The following TRPC7 variants were observed in gnomAD, a reference collection of about 807,000 sequenced individuals.
The protein encoded by TRPC7 is short transient receptor potential channel 7.
In TRPC7, 42 loss-of-function variants were observed where a neutral mutation model predicts 90.1. That is an observed-to-expected ratio of 0.47 (90% CI 0.36 to 0.60). The LOEUF (loss-of-function observed/expected upper bound fraction) is 0.60, where lower values mean the gene tolerates loss of function less well. Among genes scored for constraint, TRPC7 ranks in the 20% least tolerant of loss-of-function variants. TRPC7 has a pLI of 0.00. For synonymous variants in TRPC7, 451 were observed against 436.3 expected (o/e 1.03, Z -0.42); for missense variants, 955 against 1,112.3 (o/e 0.86, Z 2.01).
At chr5:136,291,705 A>G (rs1171129048) in intron 3 of TRPC7, among the ~76,000 whole-genome samples, 2 of 152,170 alleles carry the variant, frequency 1.3e-5, no homozygotes, top group Non-Finnish European at 2.9e-5. Context: ...AGACTTTAAC[A>G]CCCCACTGTC....
At chr5:136,321,070 G>C (rs977791673) in intron 2 of TRPC7, among the ~76,000 whole-genome samples, 1 of 152,152 alleles carries the variant, frequency 6.6e-6, no homozygotes, top group Admixed American at 6.5e-5. Context: ...CACTCAGTAA[G>C]TTACTTGTTT....
At position 136,289,658 on chromosome 5, in the gene TRPC7, G is replaced by T. The variant is rs188432961; in HGVS notation, c.964-14821C>A. On this transcript the variant is annotated intron_variant, in intron 3 of 11. Transcript: ENST00000513104. ...CAAAGCGGCCGGGAAGCTCGAACTG[G>T]GTGGAGCCCACCATAGCTCAAGGAG... is the stretch of plus-strand genomic sequence containing the variant. Among the ~76,000 whole-genome samples the T allele has an allele frequency of 5.1e-3, 771 of 152,328 alleles. 5 individuals carry two copies. Among genetic ancestry groups the T allele is most frequent in the African/African-American group, 0.018 (733 of 41,576 alleles).
rs1378165679 is a variant in TRPC7 at position 136,316,046 on chromosome 5, G to A, written c.781-267C>T. 4 of 405,750 alleles carry A rather than the reference G, an allele frequency of 9.9e-6. No homozygotes were observed. In the Admixed American group the frequency reaches 1.2e-4, roughly 12 times the overall value. 25.1% of individuals were successfully genotyped at this position (405,750 alleles called of 1,614,324 possible). On this transcript the variant is annotated intron_variant, in intron 2 of 11. Transcript: ENST00000513104. ...TGCATCAGAGTCACCTTAGCTGCGT[G>A]CTAAAGTTGCAGATTCCCAGGTCCC... is the stretch of plus-strand genomic sequence containing the variant.
At chr5:136,246,734 C>A (rs1409610104) in intron 7 of TRPC7, among the ~76,000 whole-genome samples, 4 of 152,112 alleles carry the variant, frequency 2.6e-5, no homozygotes, top group African/African-American at 9.7e-5. Flanking sequence ...CAACTTTTAC[C>A]CAGAGTTCTG....
intron 3 of TRPC7, among the ~76,000 whole-genome samples, chr5:136,302,313 G>A (rs1171077627): frequency 6.6e-6 from 1 of 152,100 alleles, no homozygotes; most frequent in South Asian, 2.1e-4. Context: ...GGAGGGGAAA[G>A]TACCCCTCAA....
chr5:136,291,105 A>C (rs1271954702), intron 3 of TRPC7, among the ~76,000 whole-genome samples: 1 of 152,244 alleles, frequency 6.6e-6, no homozygotes, highest in African/African-American at 2.4e-5. Context: ...AGATTTAGTC[A>C]CCACCAGGCC....
chr5:136,261,047 TC>T (rs1365866709), intron 5 of TRPC7, among the ~76,000 whole-genome samples: 1 of 152,198 alleles, frequency 6.6e-6, no homozygotes, highest in African/African-American at 2.4e-5. Context: ...GGAGCAGAAT[TC>T]CAAGTCTTCA....
intron 4 of TRPC7, among the ~76,000 whole-genome samples, chr5:136,267,873 A>C (rs1459404017): frequency 6.6e-6 from 1 of 152,220 alleles, no homozygotes; most frequent in African/African-American, 2.4e-5. Context: ...AGAGATGTTT[A>C]TCTGACAATA....
rs1760694739 is a variant in TRPC7 at position 136,365,482 on chromosome 5, G to A, written c.-228C>T. On this transcript the variant is annotated 5_prime_UTR_variant, in exon 1 of 12. It adds an upstream start codon to the 5' untranslated region. Coordinates refer to ENST00000513104, the MANE Select transcript of TRPC7 (RefSeq NM_020389.3). ...CCTTCCGAGGCAGAACCGTGTTACC[G>A]TCCTTTTCCTAATCGGGGGGAAATT... 1 of 573,694 alleles carries A rather than the reference G, an allele frequency of 1.7e-6. No individual in the cohort carries two copies. 35.5% of individuals were successfully genotyped at this position (573,694 alleles called of 1,614,324 possible).
chr5:136,297,416 G>A (rs542030606), intron 3 of TRPC7, among the ~76,000 whole-genome samples: 1 of 151,996 alleles, frequency 6.6e-6, no homozygotes, highest in African/African-American at 2.4e-5. Context: ...CATCTGATGG[G>A]TTTAGTAGGG....
intron 2 of TRPC7, among the ~76,000 whole-genome samples, chr5:136,350,963 G>T (rs563505051): frequency 6.6e-6 from 1 of 152,314 alleles, no homozygotes; most frequent in African/African-American, 2.4e-5. Flanking sequence ...ACCAAAATCT[G>T]AGGGTGCTCA....
intron 3 of TRPC7, among the ~76,000 whole-genome samples, chr5:136,313,390 T>TCTAC (rs1190278067): frequency 1.4e-5 from 2 of 144,074 alleles, no homozygotes; most frequent in Non-Finnish European, 3.1e-5. Context: ...TATCTATCTA[T>TCTAC]CTATCTATCT....
At chr5:136,365,108 G>A in intron 1 of TRPC7, 145 bp downstream of exon 1, 1 of 953,890 alleles carries the variant, frequency 1.0e-6, no homozygotes, top group South Asian at 1.8e-5. Flanking sequence ...CAACAAATAA[G>A]AAAGATCTCA....
chr5:136,296,407 C>T (rs559664813), intron 3 of TRPC7, among the ~76,000 whole-genome samples: 31 of 152,072 alleles, frequency 2.0e-4, no homozygotes, highest in African/African-American at 6.8e-4. Flanking sequence ...TATTTATGCC[C>T]TTTGACTCAG....
At chr5:136,310,143 T>G (rs980202278) in intron 3 of TRPC7, among the ~76,000 whole-genome samples, 1 of 152,180 alleles carries the variant, frequency 6.6e-6, no homozygotes, top group Admixed American at 6.5e-5. Flanking sequence ...CAGTTCCTCT[T>G]ATACACCATG....
chr5:136,255,588 C>G (rs1756663875), intron 5 of TRPC7, among the ~76,000 whole-genome samples: 1 of 152,154 alleles, frequency 6.6e-6, no homozygotes, highest in Non-Finnish European at 1.5e-5. Flanking sequence ...TTTCCTGGGA[C>G]TTTCTTTGTT....
intron 2 of TRPC7, among the ~76,000 whole-genome samples, chr5:136,321,505 C>A (rs567914366): frequency 6.6e-6 from 1 of 152,122 alleles, no homozygotes. Context: ...TTCAATCATT[C>A]GGAGAATTCA....
At chr5:136,262,831 A>T (rs929915903) in intron 5 of TRPC7, among the ~76,000 whole-genome samples, 2 of 152,202 alleles carry the variant, frequency 1.3e-5, no homozygotes, top group African/African-American at 4.8e-5. Flanking sequence ...CTGGAGGCAC[A>T]TTCCAGTCTG....
chr5:136,257,014 C>T (rs2149808265), intron 5 of TRPC7, among the ~76,000 whole-genome samples: 1 of 152,320 alleles, frequency 6.6e-6, no homozygotes, highest in African/African-American at 2.4e-5. Flanking sequence ...GGGCTCTTCC[C>T]TGGTCAGAGC....
Sources: allele counts gnomAD v4.1 joint callset (sites outside exome capture counted in the v4.1 genomes callset), GRCh38; gene constraint gnomAD v4.1.1; transcripts MANE v1.5; gene names NCBI Gene and HGNC (gene_info 2026-07-23, HGNC 2026-07-21).